SV2C: variants seen among roughly 807,000 people sequenced by gnomAD.
SV2C encodes solute carrier family 22 member B3.
Under a neutral mutation model 79.7 loss-of-function variants are expected in SV2C, and 49 were observed. That is an observed-to-expected ratio of 0.61 (90% CI 0.49 to 0.78). The LOEUF (loss-of-function observed/expected upper bound fraction) is 0.78. Among genes scored for constraint, SV2C ranks in the 30% least tolerant of loss-of-function variants. SV2C has a pLI of 0.00. For missense variants in SV2C, 833 were observed against 912.9 expected, an observed-to-expected ratio of 0.91 and a Z score of 1.13; for synonymous variants, 334 against 333.2, an observed-to-expected ratio of 1.00 and a Z score of -0.03.
rs1238225639 is a variant in SV2C, at chr5:76,332,241, TCA to T, written c.*6695_*6696del. The T allele has an allele frequency of 1.3e-5, 2 of 152,190 alleles. No individual in the cohort carries two copies. Among genetic ancestry groups the T allele is most frequent in the African/African-American group, 4.8e-5 (2 of 41,418 alleles). 9.4% of individuals were successfully genotyped at this position (152,190 alleles called of 1,614,324 possible). On this transcript the variant is annotated 3_prime_UTR_variant, in exon 13 of 13. Transcript: ENST00000502798. ...GCAGTTTTCAACCCTTTGTTCAGACTCAGACGGGTTTCAACTCAAGCGGGTAA... is the reference window on the plus strand; with the variant it reads ...GCAGTTTTCAACCCTTTGTTCAGACTGACGGGTTTCAACTCAAGCGGGTAA...
At chr5:76,281,044 C>T (rs568445928) in intron 4 of SV2C, 19 of 541,086 alleles carry the variant, frequency 3.5e-5, no homozygotes, top group Admixed American at 1.3e-4. Flanking sequence ...CTAAATCAGT[C>T]GGCCCCTGGC....
chr5:76,139,856 A>ATTTTT lies in SV2C; in HGVS notation c.580+7546_580+7550dup, dbSNP rs3079931. On this transcript the variant is annotated intron_variant, in intron 2 of 12. Transcript: ENST00000502798. ...TCCATTTTTAGAAGCTCTTGAAAGT[A>ATTTTT]TTTTTTTTTTTTTTTTTTTTTTTTG... Among the ~76,000 whole-genome samples the ATTTTT allele has an allele frequency of 7.8e-4, 51 of 65,376 alleles. 2 individuals carry two copies. Among genetic ancestry groups the ATTTTT allele is most frequent in the East Asian group, 4.1e-3 (13 of 3,178 alleles). The allele number at this position is 65,376 out of a possible 152,430, so 42.9% of individuals were successfully genotyped here. A position where few individuals can be genotyped will look rare whatever the true frequency, so the allele number is the denominator to read the frequency against.
chr5:75,984,730 A>G, the SV2C span, among the ~76,000 whole-genome samples: 1 of 152,044 alleles, frequency 6.6e-6, no homozygotes. Context: ...TCTGAATTCC[A>G]TAGGGCAAAC....
chr5:76,310,022 G>A (rs1460834179), intron 12 of SV2C, among the ~76,000 whole-genome samples: 2 of 151,564 alleles, frequency 1.3e-5, no homozygotes, highest in Non-Finnish European at 2.9e-5. Context: ...CTGAGCTGGG[G>A]ATAGAGAGGT....
chr5:76,155,086 A>G (rs1489212511), intron 2 of SV2C, among the ~76,000 whole-genome samples: 1 of 152,220 alleles, frequency 6.6e-6, no homozygotes, highest in Non-Finnish European at 1.5e-5. Flanking sequence ...TTAGGACTCT[A>G]CCTAAGATAA....
intron 4 of SV2C, among the ~76,000 whole-genome samples, chr5:76,240,829 A>G (rs1745761840): frequency 6.6e-6 from 1 of 152,220 alleles, no homozygotes; most frequent in Admixed American, 6.5e-5. Context: ...AAAGTAATGT[A>G]AATATAAAAT....
chr5:75,853,985 A>G, the SV2C span, among the ~76,000 whole-genome samples: 1 of 147,406 alleles, frequency 6.8e-6, no homozygotes, highest in Non-Finnish European at 1.5e-5. Context: ...TATAGAATGC[A>G]TCTATCACCA....
At chr5:75,881,706 A>G in the SV2C span, among the ~76,000 whole-genome samples, 2 of 152,026 alleles carry the variant, frequency 1.3e-5, no homozygotes, top group Non-Finnish European at 2.9e-5. Context: ...GGCTGAGACA[A>G]TGGGGTTTTC....
chr5:76,054,647 C>T, the SV2C span, among the ~76,000 whole-genome samples: 1 of 152,004 alleles, frequency 6.6e-6, no homozygotes, highest in Non-Finnish European at 1.5e-5. Context: ...AAACCCTTGC[C>T]AGCATCTGTT....
intron 4 of SV2C, among the ~76,000 whole-genome samples, chr5:76,255,204 A>G (rs1190307608): frequency 6.6e-6 from 1 of 152,218 alleles, no homozygotes; most frequent in Non-Finnish European, 1.5e-5. Context: ...TTGCAGATAA[A>G]TTTATTTTCC....
At chr5:76,066,580 T>C in the SV2C span, among the ~76,000 whole-genome samples, 67 of 151,774 alleles carry the variant, frequency 4.4e-4, no homozygotes, top group African/African-American at 1.6e-3. Flanking sequence ...GTTGTGCACA[T>C]GTACCCTAGA....
chr5:76,115,591 T>C (rs1748238887), intron 1 of SV2C, among the ~76,000 whole-genome samples: 1 of 152,218 alleles, frequency 6.6e-6, no homozygotes, highest in Non-Finnish European at 1.5e-5. Flanking sequence ...AAAGATGCCA[T>C]GCTCATTATA....
At chr5:75,952,279 C>G in the SV2C span, among the ~76,000 whole-genome samples, 2 of 137,240 alleles carry the variant, frequency 1.5e-5, no homozygotes, top group Non-Finnish European at 3.4e-5. Context: ...TCCTTCCTTC[C>G]TTCCTTCCTT....
the SV2C span, among the ~76,000 whole-genome samples, chr5:76,017,949 T>G: frequency 2.2e-4 from 34 of 152,010 alleles, no homozygotes; most frequent in Middle Eastern, 3.4e-3. Flanking sequence ...GTTTCATGGG[T>G]TTTGAGAGGT....
chr5:75,953,209 G>T, the SV2C span, among the ~76,000 whole-genome samples: 427 of 152,000 alleles, frequency 2.8e-3, no homozygotes, highest in African/African-American at 9.9e-3. Flanking sequence ...ATCAGCTCTT[G>T]TGGGAACTAA....
At chr5:76,004,748 G>A in the SV2C span, among the ~76,000 whole-genome samples, 63 of 152,148 alleles carry the variant, frequency 4.1e-4, no homozygotes, top group Middle Eastern at 3.4e-3. Flanking sequence ...TGATGACCCC[G>A]CGAATAAACA....
chr5:76,351,473 T>G (rs1341680269), intron 12 of SV2C, among the ~76,000 whole-genome samples: 1 of 152,002 alleles, frequency 6.6e-6, no homozygotes, highest in Non-Finnish European at 1.5e-5. Context: ...AGTCTCAATG[T>G]TCAGTCTGGG....
chr5:76,240,918 T>A (rs1745764099), intron 4 of SV2C, among the ~76,000 whole-genome samples: 1 of 152,132 alleles, frequency 6.6e-6, no homozygotes. Context: ...ATTGATTAGA[T>A]CCACTATTAT....
chr5:76,024,111 C>G, the SV2C span, among the ~76,000 whole-genome samples: 3 of 152,136 alleles, frequency 2.0e-5, no homozygotes, highest in African/African-American at 7.2e-5. Context: ...TTTTCCTTCA[C>G]TCTCTGCCAT....
Sources: allele counts gnomAD v4.1 joint callset (sites outside exome capture counted in the v4.1 genomes callset), GRCh38; gene constraint gnomAD v4.1.1; transcripts MANE v1.5; gene names NCBI Gene and HGNC (gene_info 2026-07-23, HGNC 2026-07-21).